Variants in CNBD2 observed in about 807,000 individuals in gnomAD.
CNBD2 encodes cyclic nucleotide binding domain containing 2, also known as cyclic nucleotide-binding domain-containing protein 2.
Under a neutral mutation model 63.7 loss-of-function variants are expected in CNBD2, and 64 were observed. The ratio of observed to expected loss-of-function variants is 1.00; its 90% CI spans 0.82 to 1.24. The LOEUF (loss-of-function observed/expected upper bound fraction) is 1.24, where lower values mean the gene tolerates loss of function less well. Ranked by LOEUF, CNBD2 falls within the 50% of genes most tolerant of loss-of-function variation. The pLI, the probability that CNBD2 is intolerant of heterozygous loss-of-function variation, is 0.00. For synonymous variants in CNBD2, 229 were observed against 255.4 expected, an observed-to-expected ratio of 0.90 and a Z score of 0.99; for missense variants, 691 against 713.5, an observed-to-expected ratio of 0.97 and a Z score of 0.36.
chr20:35,994,687 G>A (rs1289869074), intron 7 of CNBD2, among the ~76,000 whole-genome samples: 3 of 150,474 alleles, frequency 2.0e-5, no homozygotes, highest in East Asian at 2.0e-4. Context: ...TCAGGAGTTC[G>A]AGACCAGCCT....
At chr20:36,004,815 A>C (rs61207827) in intron 8 of CNBD2, among the ~76,000 whole-genome samples, 6,092 of 152,054 alleles carry the variant, frequency 0.04, 264 homozygotes, top group African/African-American at 0.11. Context: ...TTCCCACCTC[A>C]GCCTCCCAAA....
At chr20:36,021,482 A>C (rs1392913124) in intron 10 of CNBD2, among the ~76,000 whole-genome samples, 1 of 152,194 alleles carries the variant, frequency 6.6e-6, no homozygotes, top group Non-Finnish European at 1.5e-5. Flanking sequence ...AAAATGGTAA[A>C]GATGGTAAAT....
intron 8 of CNBD2, among the ~76,000 whole-genome samples, chr20:36,007,386 G>A (rs1161729086): frequency 1.3e-5 from 2 of 151,154 alleles, no homozygotes; most frequent in African/African-American, 2.5e-5. Flanking sequence ...CTAGGCTCAA[G>A]CAATCCTCCT....
At chr20:35,959,582 G>A (rs956653246), downstream of CNBD2, 6 of 152,120 alleles carry the variant, frequency 3.9e-5, no homozygotes, top group African/African-American at 1.2e-4. Flanking sequence ...AACAGTATGG[G>A]GGAACTACCC....
intron 8 of CNBD2, among the ~76,000 whole-genome samples, chr20:35,996,073 A>G (rs1050651979): frequency 1.3e-5 from 2 of 152,184 alleles, no homozygotes; most frequent in East Asian, 3.8e-4. Context: ...CTGGTTTCTC[A>G]TGCTGGACCA....
At chr20:36,002,429 G>A (rs913762410) in intron 8 of CNBD2, among the ~76,000 whole-genome samples, 8 of 151,870 alleles carry the variant, frequency 5.3e-5, no homozygotes, top group African/African-American at 1.5e-4. Context: ...AGAGGGAGAC[G>A]GAGAAGGAGA....
At chr20:35,954,879 G>C (rs1189670385) in exon 1 of CNBD2, 1 of 302,392 alleles carries the variant, frequency 3.3e-6, no homozygotes, top group Non-Finnish European at 6.8e-6. Flanking sequence ...CCGGCCGGTG[G>C]TGACCCGAAC....
chr20:35,990,713 G>C lies in CNBD2; in HGVS notation c.855+3180G>C, dbSNP rs576197787. Among the ~76,000 whole-genome samples, 6 of 152,270 alleles carry C rather than the reference G, an allele frequency of 3.9e-5. No individual in the cohort carries two copies. The East Asian group carries it at 1.2e-3, about 29-fold the overall frequency. On this transcript the variant is annotated intron_variant, in intron 7 of 11. Coordinates refer to ENST00000373973, the MANE Select transcript of CNBD2 (RefSeq NM_001365709.1). ...CGCCTGTAATCTCAACACTTTGGGA[G>C]GCCGAGGCGGGTGGATCACTTGAGG...
At chr20:35,987,620 G>C (rs2056687198) in intron 7 of CNBD2, 87 bp downstream of exon 7, 1 of 1,463,188 alleles carries the variant, frequency 6.8e-7, no homozygotes, top group Admixed American at 2.0e-5. Flanking sequence ...CAGAGTTTGA[G>C]CCCTTTTCTG....
intron 9 of CNBD2, among the ~76,000 whole-genome samples, chr20:36,009,127 G>A (rs570984532): frequency 6.6e-6 from 1 of 152,214 alleles, no homozygotes; most frequent in South Asian, 2.1e-4. Context: ...AGCCTAGGAA[G>A]TTGAGGCTGC....
intron 1 of CNBD2, among the ~76,000 whole-genome samples, chr20:35,972,418 A>G (rs1361283990): frequency 6.6e-6 from 1 of 152,216 alleles, no homozygotes; most frequent in Non-Finnish European, 1.5e-5. Flanking sequence ...TTTCTATGGC[A>G]TAAGTACTCC....
At chr20:35,954,627 G>A (rs1380404792), upstream of CNBD2, 3 of 1,324,174 alleles carry the variant, frequency 2.3e-6, no homozygotes, top group East Asian at 7.9e-5. Context: ...GCTGCGCGTG[G>A]CCTGGGCTCC....
chr20:36,012,267 T>C (rs1475503242), intron 10 of CNBD2, among the ~76,000 whole-genome samples: 1 of 150,182 alleles, frequency 6.7e-6, no homozygotes, highest in African/African-American at 2.5e-5. Flanking sequence ...GACGTTGCAC[T>C]AAAGCCTGGG....
At chr20:35,987,623 C>G in intron 7 of CNBD2, 90 bp downstream of exon 7, 1 of 1,456,758 alleles carries the variant, frequency 6.9e-7, no homozygotes. Flanking sequence ...AGTTTGAGCC[C>G]TTTTCTGCAA....
intron 8 of CNBD2, among the ~76,000 whole-genome samples, chr20:35,996,408 T>G (rs985688184): frequency 6.9e-6 from 1 of 145,540 alleles, no homozygotes; most frequent in African/African-American, 2.6e-5. Context: ...GTAACAAGTA[T>G]GAATAACAGT....
At chr20:36,007,023 A>C (rs1318396634) in intron 8 of CNBD2, among the ~76,000 whole-genome samples, 1 of 152,016 alleles carries the variant, frequency 6.6e-6, no homozygotes, top group African/African-American at 2.4e-5. Context: ...CCCTGTCTCT[A>C]CTAAAAATAC....
rs531440544 is a variant in CNBD2, at chr20:35,975,000, T to A, written c.190-949T>A. 3.1e-4 allele frequency: 46 copies of A among 149,802 alleles called. 1 individual carries two copies. The highest frequency in any genetic ancestry group is 1.1e-3 in the African/African-American group (44 of 40,998). 9.3% of individuals were successfully genotyped at this position (149,802 alleles called of 1,614,324 possible). A position where few individuals can be genotyped will look rare whatever the true frequency, so the allele number is the denominator to read the frequency against. On this transcript the variant is annotated intron_variant, in intron 2 of 11. Transcript: ENST00000373973. Reference sequence around the variant, plus strand: ...CTTTCTTTTTTTTATTTTTTTTATTTTTTTTTATTTTTTTTTTTTGAGACG... The same window carrying A: ...CTTTCTTTTTTTTATTTTTTTTATTATTTTTTATTTTTTTTTTTTGAGACG...
intron 9 of CNBD2, 69 bp downstream of exon 9, chr20:36,008,543 C>A: frequency 6.9e-7 from 1 of 1,440,944 alleles, no homozygotes; most frequent in Non-Finnish European, 9.4e-7. Context: ...ACTTATATGG[C>A]AGAATGTCAG....
chr20:36,026,104 A>T (rs1444250400), intron 11 of CNBD2, among the ~76,000 whole-genome samples: 1 of 151,690 alleles, frequency 6.6e-6, no homozygotes, highest in Non-Finnish European at 1.5e-5. Context: ...CTGAATCTCA[A>T]CTCACTGCAA....
Sources: gnomAD v4.1 joint callset for allele counts (sites outside exome capture counted in the v4.1 genomes callset) on GRCh38, gnomAD v4.1.1 for gene constraint, MANE v1.5 for transcripts, NCBI Gene and HGNC (gene_info 2026-07-23, HGNC 2026-07-21) for gene names.